The following ST3GAL1 variants were observed in gnomAD, a reference collection of about 807,000 sequenced individuals.
ST3GAL1 encodes CMP-N-acetylneuraminate-beta-galactosamide-alpha-2,3-sialyltransferase 1.
A neutral mutation model predicts 34.1 loss-of-function variants in ST3GAL1; 16 were observed. That is an observed-to-expected ratio of 0.47 (90% CI 0.32 to 0.71). The LOEUF (loss-of-function observed/expected upper bound fraction) is 0.71, where lower values mean the gene tolerates loss of function less well. Among genes scored for constraint, ST3GAL1 ranks in the 30% least tolerant of loss-of-function variants. ST3GAL1 has a pLI of 0.04. For synonymous variants in ST3GAL1, 191 were observed against 184.7 expected (o/e 1.03, Z -0.28); for missense variants, 353 against 447.4 (o/e 0.79, Z 1.90).
At chr8:133,534,360 T>C (rs1818245360) in intron 2 of ST3GAL1, among the ~76,000 whole-genome samples, 1 of 151,148 alleles carries the variant, frequency 6.6e-6, no homozygotes, top group African/African-American at 2.4e-5. Flanking sequence ...TATGTTATAA[T>C]ATATATATGG....
intron 1 of ST3GAL1, among the ~76,000 whole-genome samples, chr8:133,566,511 TC>T (rs1819404439): frequency 6.6e-6 from 1 of 152,014 alleles, no homozygotes; most frequent in Non-Finnish European, 1.5e-5. Context: ...CCCTTAATCC[TC>T]CTGGGGGCCC....
At chr8:133,569,909 A>T (rs1819515894) in intron 1 of ST3GAL1, among the ~76,000 whole-genome samples, 1 of 152,266 alleles carries the variant, frequency 6.6e-6, no homozygotes, top group Non-Finnish European at 1.5e-5. Flanking sequence ...CGCACGTAGT[A>T]GGTGCTCCAG....
chr8:133,511,571 AG>A (rs1817498491), intron 2 of ST3GAL1, among the ~76,000 whole-genome samples: 1 of 152,234 alleles, frequency 6.6e-6, no homozygotes, highest in African/African-American at 2.4e-5. Flanking sequence ...CACAGCTAGT[AG>A]GCAGCAAAGT....
chr8:133,497,398 G>C (rs1816984528), intron 3 of ST3GAL1, among the ~76,000 whole-genome samples: 1 of 147,888 alleles, frequency 6.8e-6, no homozygotes, highest in Admixed American at 6.8e-5. Flanking sequence ...TAAGGACTAA[G>C]ACAAGTAGTT....
intron 2 of ST3GAL1, among the ~76,000 whole-genome samples, chr8:133,544,349 A>C (rs1299105668): frequency 1.3e-5 from 2 of 152,198 alleles, no homozygotes; most frequent in Non-Finnish European, 2.9e-5. Flanking sequence ...GGCTCTTCCC[A>C]ACCTGTCTAT....
chr8:133,468,683 T>A (rs1815835733), intron 5 of ST3GAL1, among the ~76,000 whole-genome samples: 1 of 152,232 alleles, frequency 6.6e-6, no homozygotes, highest in Non-Finnish European at 1.5e-5. Context: ...AAATGCCTGA[T>A]TCTGATGGGA....
At chr8:133,553,334 C>T (rs865798213) in intron 1 of ST3GAL1, among the ~76,000 whole-genome samples, 42 of 152,342 alleles carry the variant, frequency 2.8e-4, no homozygotes, top group African/African-American at 1.0e-3. Context: ...TAGATCCCAG[C>T]TCCTGTTTCA....
At chr8:133,507,381 C>T (rs949112578) in intron 2 of ST3GAL1, among the ~76,000 whole-genome samples, 5 of 152,260 alleles carry the variant, frequency 3.3e-5, no homozygotes, top group Non-Finnish European at 7.3e-5. Context: ...CCACAACCCA[C>T]GCCCATGGCG....
At position 133,457,114 on chromosome 8, in the gene ST3GAL1, C is replaced by T. The variant is rs914803100; in HGVS notation, c.*2650G>A. The T allele has an allele frequency of 2.0e-5, 3 of 152,272 alleles. No homozygotes were observed. The highest frequency in any genetic ancestry group is 6.5e-5 in the Admixed American group (1 of 15,282). The allele number at this position is 152,272 out of a possible 1,614,324, so 9.4% of individuals were successfully genotyped here. ...GTCCTCTCCCGTGCCTGTCACGCTC[C>T]ACTCCCCACCCAGCTGCAATGTGGC... On this transcript the variant is annotated 3_prime_UTR_variant, in exon 10 of 10. Coordinates refer to ENST00000522652, the MANE Select transcript of ST3GAL1 (RefSeq NM_173344.3).
intron 2 of ST3GAL1, among the ~76,000 whole-genome samples, chr8:133,540,934 C>CATATATAGACATATATATATAGACAT (rs1818480423): frequency 3.9e-5 from 2 of 51,386 alleles, no homozygotes; most frequent in Non-Finnish European, 6.5e-5. Flanking sequence ...TATATATAGA[C>CATATATAGACATATATATATAGACAT]ATATATAGAC....
At chr8:133,511,728 T>G (rs1817503161) in intron 2 of ST3GAL1, among the ~76,000 whole-genome samples, 1 of 152,120 alleles carries the variant, frequency 6.6e-6, no homozygotes, top group Non-Finnish European at 1.5e-5. Flanking sequence ...GGGACAGGAC[T>G]AATAGGATAG....
chr8:133,513,258 C>A (rs1040901942), intron 2 of ST3GAL1, among the ~76,000 whole-genome samples: 2 of 152,198 alleles, frequency 1.3e-5, no homozygotes, highest in South Asian at 4.1e-4. Flanking sequence ...CCCCTGTCTG[C>A]AGCAGCGCCC....
At chr8:133,473,749 G>A (rs139638247) in intron 5 of ST3GAL1, among the ~76,000 whole-genome samples, 343 of 152,322 alleles carry the variant, frequency 2.3e-3, no homozygotes, top group African/African-American at 8.0e-3. Context: ...TCTGGCTATC[G>A]CAACTGGGGA....
chr8:133,533,595 G>A (rs1818219027), intron 2 of ST3GAL1, among the ~76,000 whole-genome samples: 1 of 152,148 alleles, frequency 6.6e-6, no homozygotes, highest in South Asian at 2.1e-4. Context: ...TGCCCCATTG[G>A]AGGCAGATCC....
chr8:133,464,113 C>T (rs1347390947), intron 7 of ST3GAL1, among the ~76,000 whole-genome samples: 1 of 152,234 alleles, frequency 6.6e-6, no homozygotes, highest in Non-Finnish European at 1.5e-5. Context: ...CAAAACACTT[C>T]CCTTCAGTAA....
intron 2 of ST3GAL1, 158 bp from the exon 3 acceptor site, chr8:133,499,347 G>T (rs1817075034): frequency 6.6e-6 from 1 of 152,220 alleles, no homozygotes; most frequent in African/African-American, 2.4e-5. Context: ...AGTGTGGGGA[G>T]AGAAGAGAGT....
At chr8:133,558,925 C>T (rs992120070) in intron 1 of ST3GAL1, among the ~76,000 whole-genome samples, 6 of 152,130 alleles carry the variant, frequency 3.9e-5, no homozygotes, top group African/African-American at 1.4e-4. Context: ...AAGTTTTCCT[C>T]ATGTCCTCGT....
At chr8:133,485,675 A>G (rs1248501873) in intron 3 of ST3GAL1, among the ~76,000 whole-genome samples, 1 of 152,162 alleles carries the variant, frequency 6.6e-6, no homozygotes, top group African/African-American at 2.4e-5. Context: ...ACTCCTTAGA[A>G]AAAACCTGCT....
intron 2 of ST3GAL1, among the ~76,000 whole-genome samples, chr8:133,538,141 G>A (rs1038311779): frequency 2.6e-5 from 4 of 152,232 alleles, no homozygotes; most frequent in African/African-American, 9.7e-5. Context: ...GCCAGACTAA[G>A]TTCCATGACA....
Sources: gnomAD v4.1 joint callset for allele counts (sites outside exome capture counted in the v4.1 genomes callset) on GRCh38, gnomAD v4.1.1 for gene constraint, MANE v1.5 for transcripts, NCBI Gene and HGNC (gene_info 2026-07-23, HGNC 2026-07-21) for gene names.